The following AKAP7 variants were observed in gnomAD, a reference collection of about 807,000 sequenced individuals.
AKAP7 encodes A kinase (PRKA) anchor protein 7.
In AKAP7, 39 loss-of-function variants were observed where a neutral mutation model predicts 39.5. The observed-to-expected ratio is 0.99, with a 90% CI of 0.76 to 1.29. The LOEUF is 1.29. Among genes scored for constraint, AKAP7 ranks in the 50% most tolerant of loss-of-function variants. AKAP7 has a pLI of 0.00. For synonymous variants in AKAP7, 140 were observed against 139.1 expected, an observed-to-expected ratio of 1.01 and a Z score of -0.05; for missense variants, 414 against 407.7, an observed-to-expected ratio of 1.02 and a Z score of -0.13.
At chr6:131,250,152 C>T in intron 7 of AKAP7, 1 of 987,766 alleles carries the variant, frequency 1.0e-6, no homozygotes, top group Non-Finnish European at 1.2e-6. Flanking sequence ...TTTGAATTTT[C>T]ATGTGTAATT....
At chr6:131,253,027 C>G (rs770258332) in intron 7 of AKAP7, 9 of 1,612,828 alleles carry the variant, frequency 5.6e-6, no homozygotes, top group Non-Finnish European at 6.8e-6. Flanking sequence ...GTGTTATTCT[C>G]AAAACACAGG....
intron 5 of AKAP7, among the ~76,000 whole-genome samples, chr6:131,172,282 T>C (rs1396205518): frequency 6.6e-6 from 1 of 152,206 alleles, no homozygotes; most frequent in East Asian, 1.9e-4. Flanking sequence ...CTAAAGGATA[T>C]GCAAGACTTC....
chr6:131,135,413 G>T (rs1445811904), upstream of AKAP7, among the ~76,000 whole-genome samples: 2 of 151,780 alleles, frequency 1.3e-5, no homozygotes, highest in Non-Finnish European at 3.0e-5. Context: ...GCCCGAGCGC[G>T]TCCGCGCCTC....
chr6:131,269,865 A>G (rs754278496), intron 7 of AKAP7, among the ~76,000 whole-genome samples: 1 of 152,212 alleles, frequency 6.6e-6, no homozygotes, highest in Non-Finnish European at 1.5e-5. Flanking sequence ...TCAGAAGGAA[A>G]GCAACTGAGA....
chr6:131,154,421 AAG>A (rs1230334208), intron 2 of AKAP7, among the ~76,000 whole-genome samples: 5 of 151,558 alleles, frequency 3.3e-5, no homozygotes, highest in African/African-American at 1.2e-4. Context: ...CTAGAACTGG[AAG>A]AGACCCCCTA....
chr6:131,179,111 C>T (rs1804861419), intron 5 of AKAP7, among the ~76,000 whole-genome samples: 1 of 152,150 alleles, frequency 6.6e-6, no homozygotes, highest in Admixed American at 6.5e-5. Context: ...TCACTGTACC[C>T]AGTGGGATGC....
chr6:131,232,569 T>A (rs1810711903), intron 7 of AKAP7, among the ~76,000 whole-genome samples: 1 of 152,124 alleles, frequency 6.6e-6, no homozygotes, highest in African/African-American at 2.4e-5. Flanking sequence ...CTCACACCTG[T>A]AATCACAGCA....
chr6:131,164,261 T>C (rs936370260), intron 3 of AKAP7: 9 of 425,660 alleles, frequency 2.1e-5, no homozygotes, highest in African/African-American at 1.6e-4. Flanking sequence ...TGCTCTCTTT[T>C]CTCTGTTGTT....
chr6:131,144,681 G>A (rs1216303865), intron 1 of AKAP7, among the ~76,000 whole-genome samples: 1 of 152,190 alleles, frequency 6.6e-6, no homozygotes. Flanking sequence ...AGACCAAATA[G>A]GAAATATGGC....
chr6:131,268,269 T>G (rs903037795), intron 7 of AKAP7, among the ~76,000 whole-genome samples: 6 of 152,212 alleles, frequency 3.9e-5, no homozygotes, highest in Non-Finnish European at 7.3e-5. Context: ...TTGGATGAAC[T>G]AAGCTTCCTA....
chr6:131,190,896 C>G (rs1806345731), intron 5 of AKAP7, among the ~76,000 whole-genome samples: 1 of 151,934 alleles, frequency 6.6e-6, no homozygotes, highest in African/African-American at 2.4e-5. Context: ...GAAATCTGTC[C>G]CATGAGACTG....
chr6:131,225,573 A>G (rs1002244922), intron 7 of AKAP7, among the ~76,000 whole-genome samples: 2 of 152,126 alleles, frequency 1.3e-5, no homozygotes, highest in African/African-American at 4.8e-5. Flanking sequence ...ATAGGTGAAA[A>G]TTTCTCTTAT....
intron 2 of AKAP7, among the ~76,000 whole-genome samples, chr6:131,155,946 T>C (rs1020628895): frequency 1.3e-5 from 2 of 152,234 alleles, no homozygotes; most frequent in African/African-American, 2.4e-5. Flanking sequence ...GAATCAGCTC[T>C]TTCTCCAAGG....
At chr6:131,250,043 G>T in intron 7 of AKAP7, 1 of 385,458 alleles carries the variant, frequency 2.6e-6, no homozygotes, top group Non-Finnish European at 3.6e-6. Flanking sequence ...CCAGTGTTCT[G>T]CTATGTTGGG....
chr6:131,265,396 A>C (rs1043170031), intron 7 of AKAP7, among the ~76,000 whole-genome samples: 1 of 152,148 alleles, frequency 6.6e-6, no homozygotes, highest in African/African-American at 2.4e-5. Context: ...CAGCTCCCCA[A>C]AGTTCTGGGA....
chr6:131,247,518 G>A (rs1194540861), intron 7 of AKAP7, among the ~76,000 whole-genome samples: 1 of 150,818 alleles, frequency 6.6e-6, no homozygotes, highest in Admixed American at 6.6e-5. Context: ...TAGAGGCGGG[G>A]TTTCACTATG....
rs1815295792 is a variant in AKAP7 at position 131,282,622 on chromosome 6, T to C, written c.*896T>C. 7 of 1,517,022 alleles carry C rather than the reference T, an allele frequency of 4.6e-6. No homozygotes were observed. The highest frequency in any genetic ancestry group is 6.2e-6 in the Non-Finnish European group (7 of 1,131,294). The allele number at this position is 1,517,022 out of a possible 1,614,324, so 94.0% of individuals were successfully genotyped here. A position where few individuals can be genotyped will look rare whatever the true frequency, so the allele number is the denominator to read the frequency against. On this transcript the variant is annotated 3_prime_UTR_variant, in exon 8 of 8. Transcript: ENST00000431975. ...TGACATAAGCTCTACATTGCGATTG[T>C]GACAACATAGCTTATGAAATCTTTT...
At chr6:131,240,212 C>T (rs1378934068) in intron 7 of AKAP7, among the ~76,000 whole-genome samples, 4 of 152,204 alleles carry the variant, frequency 2.6e-5, no homozygotes, top group Non-Finnish European at 5.9e-5. Flanking sequence ...GCGGAGGCTG[C>T]AGAACAGCGG....
At chr6:131,185,289 G>GCTCT (rs1805724901) in intron 5 of AKAP7, 1 of 473,064 alleles carries the variant, frequency 2.1e-6, no homozygotes, top group Non-Finnish European at 4.0e-6. Context: ...GTTGTCCAGA[G>GCTCT]GCCAATCCTA....
Sources: allele counts gnomAD v4.1 joint callset (sites outside exome capture counted in the v4.1 genomes callset), GRCh38; gene constraint gnomAD v4.1.1; transcripts MANE v1.5; gene names NCBI Gene and HGNC (gene_info 2026-07-23, HGNC 2026-07-21).